Variants in PRRX1 observed in about 807,000 individuals in gnomAD.
PRRX1 encodes paired mesoderm homeobox protein 1.
PRRX1 carries 8 observed loss-of-function variants against 24.0 expected under a neutral mutation model. That is an observed-to-expected ratio of 0.33 (90% CI 0.20 to 0.60). The LOEUF is 0.60. PRRX1 is among the 20% of genes least tolerant of loss of function. The pLI is 0.82. For synonymous variants in PRRX1, 160 were observed against 131.7 expected, an observed-to-expected ratio of 1.22 and a Z score of -1.47; for missense variants, 281 against 322.4, an observed-to-expected ratio of 0.87 and a Z score of 0.98.
intron 1 of PRRX1, among the ~76,000 whole-genome samples, chr1:170,664,955 G>A (rs761967979): frequency 1.3e-5 from 2 of 152,242 alleles, no homozygotes; most frequent in Non-Finnish European, 2.9e-5. Flanking sequence ...AGGACTTGGC[G>A]CTGCTCAGGC....
chr1:170,681,128 T>C (rs1653489752), intron 1 of PRRX1, among the ~76,000 whole-genome samples: 1 of 152,188 alleles, frequency 6.6e-6, no homozygotes, highest in Non-Finnish European at 1.5e-5. Context: ...CCATAATGGA[T>C]CAGGTACTGT....
Position 170,690,522 on chromosome 1 carries a change from G to A in PRRX1, c.241+26063G>A, listed in dbSNP as rs147546023. ...GTATGAGAAAGTCAGTTGGATCTTAGCATTTATTTATAATAATATTCATAA... is the reference window on the plus strand; with the variant it reads ...GTATGAGAAAGTCAGTTGGATCTTAACATTTATTTATAATAATATTCATAA... On this transcript the variant is annotated intron_variant, in intron 1 of 3. Transcript: ENST00000239461. Among the ~76,000 whole-genome samples the A allele has an allele frequency of 4.2e-3, 635 of 152,080 alleles. 2 individuals carry two copies. The highest frequency in any genetic ancestry group is 0.015 in the African/African-American group (602 of 41,480).
At chr1:170,710,679 A>G (rs984664120) in intron 1 of PRRX1, among the ~76,000 whole-genome samples, 2 of 152,138 alleles carry the variant, frequency 1.3e-5, no homozygotes, top group African/African-American at 2.4e-5. Flanking sequence ...GAAAGGTAAT[A>G]AGGTTTAGAT....
upstream of PRRX1, chr1:170,663,339 TG>T (rs1652791722): frequency 6.6e-6 from 1 of 152,134 alleles, no homozygotes; most frequent in South Asian, 2.1e-4. Flanking sequence ...AAGCCTCCTC[TG>T]CATGCCAGTT....
chr1:170,689,480 G>T (rs1653855183), intron 1 of PRRX1, among the ~76,000 whole-genome samples: 1 of 152,094 alleles, frequency 6.6e-6, no homozygotes, highest in Admixed American at 6.6e-5. Flanking sequence ...GTAGTCCATG[G>T]GGCTGCAACA....
chr1:170,718,055 A>T (rs1654962733), intron 1 of PRRX1, among the ~76,000 whole-genome samples: 1 of 152,224 alleles, frequency 6.6e-6, no homozygotes, highest in African/African-American at 2.4e-5. Flanking sequence ...GGTGGACTGT[A>T]CAAAACCATG....
chr1:170,717,802 T>G (rs938558744), intron 1 of PRRX1, among the ~76,000 whole-genome samples: 9 of 152,200 alleles, frequency 5.9e-5, no homozygotes, highest in Non-Finnish European at 1.0e-4. Context: ...CTGAAAGGTA[T>G]TTAATCCTAG....
chr1:170,694,083 T>G (rs1055786549), intron 1 of PRRX1, among the ~76,000 whole-genome samples: 1 of 152,068 alleles, frequency 6.6e-6, no homozygotes, highest in African/African-American at 2.4e-5. Flanking sequence ...ATACTTTGGT[T>G]TCCAGGTGCA....
In PRRX1 at chr1:170,736,548, ATAT is replaced by A. The variant is rs1655612663; in HGVS notation, c.*363_*365del. 5.3e-5 allele frequency: 1 copy of A among 19,020 alleles called. No homozygotes were observed. The highest frequency in any genetic ancestry group is 1.2e-4 in the Non-Finnish European group (1 of 8,646). 1.2% of individuals were successfully genotyped at this position (19,020 alleles called of 1,614,324 possible). A position where few individuals can be genotyped will look rare whatever the true frequency, so the allele number is the denominator to read the frequency against. ...AAACTACAGCAGCCAAAGAAACTAT[ATAT>A]ATATATATATATATATATATCCAGA... is the stretch of plus-strand genomic sequence containing the variant. On this transcript the variant is annotated 3_prime_UTR_variant, in exon 4 of 4. Coordinates refer to ENST00000239461, the MANE Select transcript of PRRX1 (RefSeq NM_022716.4).
intron 1 of PRRX1, among the ~76,000 whole-genome samples, chr1:170,665,158 G>A (rs1652874782): frequency 6.6e-6 from 1 of 152,254 alleles, no homozygotes; most frequent in South Asian, 2.1e-4. Context: ...TCCTTTAAGG[G>A]TGAAACCTGA....
At chr1:170,673,577 CT>C (rs1653211493) in intron 1 of PRRX1, among the ~76,000 whole-genome samples, 2 of 152,222 alleles carry the variant, frequency 1.3e-5, no homozygotes, top group South Asian at 4.1e-4. Flanking sequence ...AGCTTCAAGA[CT>C]CTCCATTGGA....
At chr1:170,726,665 G>A (rs1198437419) in intron 3 of PRRX1, 1 of 438,376 alleles carries the variant, frequency 2.3e-6, no homozygotes, top group East Asian at 3.8e-5. Flanking sequence ...CAAAGATGAG[G>A]AAGAATCTAA....
chr1:170,668,020 T>C (rs1653010854), intron 1 of PRRX1: 1 of 146,824 alleles, frequency 6.8e-6, no homozygotes, highest in Admixed American at 6.7e-5. Context: ...CCCACCTTGG[T>C]TGATATTCAC....
At chr1:170,715,088 C>T (rs777033240) in intron 1 of PRRX1, among the ~76,000 whole-genome samples, 1 of 152,126 alleles carries the variant, frequency 6.6e-6, no homozygotes, top group African/African-American at 2.4e-5. Context: ...AGGAATCAGA[C>T]CACAAGGCTT....
chr1:170,710,734 A>G (rs1480902838), intron 1 of PRRX1, among the ~76,000 whole-genome samples: 1 of 152,320 alleles, frequency 6.6e-6, no homozygotes, highest in African/African-American at 2.4e-5. Context: ...GTGTCTTTAT[A>G]AGAAGAGACC....
At chr1:170,709,548 T>C (rs1349307649) in intron 1 of PRRX1, among the ~76,000 whole-genome samples, 2 of 152,186 alleles carry the variant, frequency 1.3e-5, no homozygotes, top group African/African-American at 4.8e-5. Context: ...GGCCCGTTCC[T>C]GGCTCTGATG....
At chr1:170,723,846 C>T (rs1490027604) in intron 2 of PRRX1, among the ~76,000 whole-genome samples, 1 of 152,108 alleles carries the variant, frequency 6.6e-6, no homozygotes, top group Non-Finnish European at 1.5e-5. Context: ...ATAGTGTAGG[C>T]GATTGTAATA....
At chr1:170,663,946 C>T (rs1652813699), upstream of PRRX1, 5 of 471,572 alleles carry the variant, frequency 1.1e-5, no homozygotes, top group Non-Finnish European at 1.9e-5. Context: ...CTCTTTGGAC[C>T]GCGCCGGACT....
intron 1 of PRRX1, among the ~76,000 whole-genome samples, chr1:170,714,822 A>G (rs1654856984): frequency 6.6e-6 from 1 of 152,180 alleles, no homozygotes; most frequent in African/African-American, 2.4e-5. Context: ...TGAACTTCAT[A>G]CTAGAGCCGA....
Sources: allele counts gnomAD v4.1 joint callset (sites outside exome capture counted in the v4.1 genomes callset), GRCh38; gene constraint gnomAD v4.1.1; transcripts MANE v1.5; gene names NCBI Gene and HGNC (gene_info 2026-07-23, HGNC 2026-07-21).